DENND4A: variants seen among roughly 807,000 people sequenced by gnomAD.
The protein encoded by DENND4A is DENN domain containing 4A.
Under a neutral mutation model 199.3 loss-of-function variants are expected in DENND4A, and 70 were observed. That is an observed-to-expected ratio of 0.35 (90% CI 0.29 to 0.43). DENND4A has a LOEUF of 0.43. DENND4A is among the 20% of genes least tolerant of loss of function. DENND4A has a pLI of 1.00. For synonymous variants in DENND4A, 686 were observed against 766.9 expected (o/e 0.89, Z 1.74); for missense variants, 1,723 against 2,255.8 (o/e 0.76, Z 4.78).
chr15:65,739,558 T>C (rs1733124766), intron 5 of DENND4A, among the ~76,000 whole-genome samples: 1 of 152,076 alleles, frequency 6.6e-6, no homozygotes, highest in Non-Finnish European at 1.5e-5. Context: ...AAACAGAAAA[T>C]AGGTTCCCTG....
intron 32 of DENND4A, among the ~76,000 whole-genome samples, chr15:65,663,513 TTATTATA>T (rs1001978625): frequency 3.9e-5 from 6 of 152,144 alleles, no homozygotes; most frequent in Non-Finnish European, 7.4e-5. Context: ...CTGGCTGATT[TTATTATA>T]TATTATATTC....
chr15:65,695,187 G>C (rs558328651), intron 22 of DENND4A, among the ~76,000 whole-genome samples: 112 of 152,294 alleles, frequency 7.4e-4, no homozygotes, highest in African/African-American at 2.5e-3. Flanking sequence ...CTGTTTGATA[G>C]AGTAGGTTCC....
At position 65,701,155 on chromosome 15, in the gene DENND4A, C is replaced by T; in HGVS notation, c.2597G>A (p.Ser866Asn). The change falls in exon 19 of 33, where the codon AGT becomes AAT. Residue 866 changes from serine to asparagine, a missense_variant. Coordinates refer to ENST00000443035, the MANE Select transcript of DENND4A (RefSeq NM_001320835.1). ...LESTWPSRSR[S>N]GYFLWTKVRN... The stretch of plus-strand genomic sequence containing the variant: ...TACTTTTGTCCAAAGAAAATAGCCA[C>T]TACGACTTCTTGAAGGCCAGGTACT... 6.2e-7 allele frequency: 1 copy of T among 1,608,466 alleles called. No individual in the cohort carries two copies. Among genetic ancestry groups the T allele is most frequent in the South Asian group, 1.1e-5 (1 of 89,680 alleles).
chr15:65,666,075 T>G (rs2076026585), intron 29 of DENND4A, among the ~76,000 whole-genome samples: 1 of 152,208 alleles, frequency 6.6e-6, no homozygotes, highest in Admixed American at 6.5e-5. Flanking sequence ...GATTGCAATA[T>G]GAATTTCAAT....
chr15:65,749,836 G>A (rs760395572), intron 4 of DENND4A, among the ~76,000 whole-genome samples: 2 of 152,098 alleles, frequency 1.3e-5, no homozygotes, highest in African/African-American at 2.4e-5. Flanking sequence ...CTGCCACAGC[G>A]TTTTCAGAAC....
At position 65,659,325 on chromosome 15, in the gene DENND4A, T is replaced by TG. The variant is rs2075779929; in HGVS notation, c.*2525_*2526insC. 1.2e-5 allele frequency: 1 copy of TG among 82,782 alleles called. No homozygotes were observed. The highest frequency in any genetic ancestry group is 7.1e-5 in the African/African-American group (1 of 13,992). 5.1% of individuals were successfully genotyped at this position (82,782 alleles called of 1,614,324 possible). On this transcript the variant is annotated 3_prime_UTR_variant, in exon 33 of 33. Coordinates refer to ENST00000443035, the MANE Select transcript of DENND4A (RefSeq NM_001320835.1). ...TTTAAATGATTGATATTTTCTGGTT[T>TG]TTTTTTTTTTTTTTTTTTTTTTTTT... is the stretch of plus-strand genomic sequence containing the variant.
chr15:65,681,067 G>A (rs1337337974), intron 23 of DENND4A: 1 of 152,212 alleles, frequency 6.6e-6, no homozygotes, highest in Non-Finnish European at 1.5e-5. Flanking sequence ...TCTGTAGCAT[G>A]TGATGCTGTC....
chr15:65,700,825 TG>T, intron 19 of DENND4A, 150 bp from the exon 20 acceptor site: 1 of 970,536 alleles, frequency 1.0e-6, no homozygotes, highest in Non-Finnish European at 1.4e-6. Context: ...AAACCTATTG[TG>T]AGTTATTAAT....
intron 3 of DENND4A, among the ~76,000 whole-genome samples, chr15:65,753,071 G>C (rs1363441211): frequency 6.6e-6 from 1 of 152,136 alleles, no homozygotes; most frequent in Admixed American, 6.6e-5. Context: ...TTAGCTTTAA[G>C]AGACAGTTTT....
At position 65,667,613 on chromosome 15, in the gene DENND4A, T is replaced by C; in HGVS notation, c.5077A>G (p.Ser1693Gly). 1 of 1,613,986 alleles carries C rather than the reference T, an allele frequency of 6.2e-7. No individual in the cohort carries two copies. Among genetic ancestry groups the C allele is most frequent in the Non-Finnish European group, 8.5e-7 (1 of 1,179,878 alleles). Reference protein sequence around the residue: ...SPLVVWKELESLLENEGDHAI... With the variant: ...SPLVVWKELEGLLENEGDHAI... ...TGATCACCTTCATTTTCCAATAAGC[T>C]TTCAAGTTCTTTCCATACCACTAAA... is the stretch of plus-strand genomic sequence containing the variant. Residue 1693 changes from serine (S) to glycine (G), a missense_variant, in exon 29 of 33, where the codon AGC becomes GGC. Coordinates refer to ENST00000443035, the MANE Select transcript of DENND4A (RefSeq NM_001320835.1).
chr15:65,764,332 G>C (rs1045850273), intron 1 of DENND4A, among the ~76,000 whole-genome samples: 24 of 151,700 alleles, frequency 1.6e-4, no homozygotes, highest in African/African-American at 5.8e-4. Flanking sequence ...ACCTCATCTG[G>C]ACAAAAAAAT....
Position 65,680,476 on chromosome 15 carries a change from A to C in DENND4A, c.4180-3842T>G, listed in dbSNP as rs568537625. 2.6e-5 allele frequency among the ~76,000 whole-genome samples: 4 copies of C among 152,350 alleles called. No individual in the cohort carries two copies. In the East Asian group the frequency reaches 7.7e-4, roughly 29 times the overall value. Reference sequence around the variant, plus strand: ...AGAAGTCTTGTTGCTGTTTATGCATACAAGAATTACTTAGTATAAAAAATA... The same window carrying C: ...AGAAGTCTTGTTGCTGTTTATGCATCCAAGAATTACTTAGTATAAAAAATA... On this transcript the variant is annotated intron_variant, in intron 23 of 32. Transcript: ENST00000443035.
intron 1 of DENND4A, among the ~76,000 whole-genome samples, chr15:65,768,376 T>C (rs2077038573): frequency 6.6e-6 from 1 of 152,106 alleles, no homozygotes; most frequent in South Asian, 2.1e-4. Context: ...ATATAGAAAA[T>C]GTACAACTCC....
rs775915313 is a variant in DENND4A, at chr15:65,697,253, TAAAC to T, written c.2950+10_2950+13del. ...TTCTCAATTTTATACAATATCAACT[TAAAC>T]AATACCTACAGGAACTACAATCACT... On this transcript the variant is annotated intron_variant, in intron 21 of 32. Coordinates refer to ENST00000443035, the MANE Select transcript of DENND4A (RefSeq NM_001320835.1). 5.5e-6 allele frequency: 8 copies of T among 1,462,548 alleles called. No homozygotes were observed. Among genetic ancestry groups the T allele is most frequent in the Admixed American group, 1.9e-5 (1 of 51,468 alleles). The allele number at this position is 1,462,548 out of a possible 1,614,324, so 90.6% of individuals were successfully genotyped here.
chr15:65,743,744 G>T lies in DENND4A; in HGVS notation c.562-1960C>A, dbSNP rs1480945500. On this transcript the variant is annotated intron_variant, in intron 4 of 32. Transcript: ENST00000443035. ...TGAATGAATTAATCTTGGAGCAGAG[G>T]TTTCTAGGTAGAAGGAATGTCAAGA... 2.0e-5 allele frequency among the ~76,000 whole-genome samples: 3 copies of T among 152,156 alleles called. No individual in the cohort carries two copies. The East Asian group carries it at 5.8e-4, about 29-fold the overall frequency.
In DENND4A at chr15:65,722,984, A is replaced by G. The variant is rs1466411573; in HGVS notation, c.1488-36T>C. 2.0e-6 allele frequency: 3 copies of G among 1,527,004 alleles called. No homozygotes were observed. In the South Asian group the frequency reaches 3.6e-5, roughly 19 times the overall value. 94.6% of individuals were successfully genotyped at this position (1,527,004 alleles called of 1,614,324 possible). A position where few individuals can be genotyped will look rare whatever the true frequency, so the allele number is the denominator to read the frequency against. ...ATAACAACAGGAATATATTTGTTAC[A>G]TGGTCTTTTGGAGGGGAAAGGTATA... On this transcript the variant is annotated intron_variant, in intron 11 of 32. Transcript: ENST00000443035.
intron 22 of DENND4A, among the ~76,000 whole-genome samples, chr15:65,694,676 A>G (rs181188301): frequency 4.1e-4 from 63 of 152,330 alleles, no homozygotes; most frequent in East Asian, 1.9e-4. Context: ...CAAGTATATA[A>G]TAAGTATTTC....
chr15:65,769,456 A>G (rs2077071717), intron 1 of DENND4A, among the ~76,000 whole-genome samples: 2 of 152,340 alleles, frequency 1.3e-5, no homozygotes, highest in South Asian at 2.1e-4. Flanking sequence ...TAGCAGCTAC[A>G]TGCTCTGAAA....
At chr15:65,698,118 G>GGAA (rs1448615559) in intron 20 of DENND4A, among the ~76,000 whole-genome samples, 2 of 151,980 alleles carry the variant, frequency 1.3e-5, no homozygotes, top group African/African-American at 4.8e-5. Context: ...AAATTAGCCA[G>GGAA]GAATGGTGGC....
Sources: gnomAD v4.1 joint callset for allele counts (sites outside exome capture counted in the v4.1 genomes callset) on GRCh38, gnomAD v4.1.1 for gene constraint, MANE v1.5 for transcripts, NCBI Gene and HGNC (gene_info 2026-07-23, HGNC 2026-07-21) for gene names.